The following SLC4A4 variants were observed in gnomAD, a reference collection of about 807,000 sequenced individuals.
The protein encoded by SLC4A4 is solute carrier family 4 member 4.
A neutral mutation model predicts 111.5 loss-of-function variants in SLC4A4; 27 were observed. The ratio of observed to expected loss-of-function variants is 0.24; its 90% confidence interval spans 0.18 to 0.33. The LOEUF is 0.33. Ranked by LOEUF, SLC4A4 falls within the 10% of genes least tolerant of loss-of-function variation. SLC4A4 has a pLI of 1.00. For missense variants in SLC4A4, 909 were observed against 1,315.5 expected (o/e 0.69, Z 4.78); for synonymous variants, 443 against 463.4 (o/e 0.96, Z 0.57).
At chr4:71,358,739 A>C (rs1041048646) in intron 6 of SLC4A4, among the ~76,000 whole-genome samples, 4 of 151,592 alleles carry the variant, frequency 2.6e-5, no homozygotes, top group African/African-American at 9.7e-5. Flanking sequence ...GTGTTTTTGG[A>C]AAGAGGGGTT....
chr4:71,096,044 C>T (rs1344711108), intron 2 of SLC4A4, among the ~76,000 whole-genome samples: 1 of 152,008 alleles, frequency 6.6e-6, no homozygotes, highest in Admixed American at 6.6e-5. Flanking sequence ...TCCTTTTCTC[C>T]CTTCCTGCAC....
At chr4:71,256,974 C>T (rs1419034279) in intron 3 of SLC4A4, among the ~76,000 whole-genome samples, 1 of 152,132 alleles carries the variant, frequency 6.6e-6, no homozygotes, top group Non-Finnish European at 1.5e-5. Flanking sequence ...TAAAGAGGTG[C>T]TCACCTAGAC....
chr4:71,250,733 A>C (rs1166176191), intron 2 of SLC4A4, among the ~76,000 whole-genome samples: 2 of 152,188 alleles, frequency 1.3e-5, no homozygotes, highest in Non-Finnish European at 2.9e-5. Flanking sequence ...AAGGTGACAT[A>C]ATAAGTTATT....
intron 7 of SLC4A4, among the ~76,000 whole-genome samples, chr4:71,406,211 A>G (rs1443840293): frequency 2.0e-5 from 3 of 152,150 alleles, no homozygotes; most frequent in Non-Finnish European, 4.4e-5. Flanking sequence ...CATATATGCC[A>G]GACTGTAAAG....
chr4:71,176,054 C>A (rs537051931), intron 2 of SLC4A4, among the ~76,000 whole-genome samples: 1 of 152,326 alleles, frequency 6.6e-6, no homozygotes, highest in East Asian at 1.9e-4. Flanking sequence ...GCTGCTGATA[C>A]CCAGGCAAAC....
At chr4:71,228,171 G>T (rs767623190) in intron 1 of SLC4A4, among the ~76,000 whole-genome samples, 9 of 152,124 alleles carry the variant, frequency 5.9e-5, no homozygotes, top group Non-Finnish European at 1.0e-4. Context: ...TCACCCCAGA[G>T]TCTCCATTCT....
chr4:71,323,868 TC>T (rs1342499462), intron 3 of SLC4A4, among the ~76,000 whole-genome samples: 1 of 151,928 alleles, frequency 6.6e-6, no homozygotes, highest in Non-Finnish European at 1.5e-5. Flanking sequence ...TGTTTTGGCA[TC>T]CCCAAACTAC....
intron 8 of SLC4A4, among the ~76,000 whole-genome samples, chr4:71,446,522 G>A (rs1028140700): frequency 6.6e-6 from 1 of 152,150 alleles, no homozygotes; most frequent in Non-Finnish European, 1.5e-5. Context: ...AGGTAAGAAT[G>A]CCTATATATC....
At chr4:71,518,998 C>G (rs1732669215) in intron 16 of SLC4A4, among the ~76,000 whole-genome samples, 2 of 152,176 alleles carry the variant, frequency 1.3e-5, no homozygotes, top group African/African-American at 4.8e-5. Flanking sequence ...GTTTCCCTCT[C>G]CAGGATGTGT....
intron 1 of SLC4A4, among the ~76,000 whole-genome samples, chr4:71,230,754 G>T (rs145955456): frequency 5.1e-4 from 78 of 152,300 alleles, no homozygotes; most frequent in African/African-American, 1.8e-3. Flanking sequence ...TGCAGAGCAG[G>T]CTGTGGAAGA....
At chr4:71,167,209 C>T (rs1377288) in intron 2 of SLC4A4, among the ~76,000 whole-genome samples, 3,610 of 152,192 alleles carry the variant, frequency 0.024, 143 homozygotes, top group African/African-American at 0.083. Flanking sequence ...AGCTGCTAAC[C>T]AGACTACCTA....
chr4:71,264,873 G>T (rs1023970699), intron 3 of SLC4A4, among the ~76,000 whole-genome samples: 7 of 152,124 alleles, frequency 4.6e-5, no homozygotes, highest in African/African-American at 1.7e-4. Flanking sequence ...CAAAAGATAC[G>T]CTGGTTAAGA....
intron 6 of SLC4A4, among the ~76,000 whole-genome samples, chr4:71,392,797 A>T (rs1398636241): frequency 1.3e-5 from 2 of 152,114 alleles, no homozygotes; most frequent in African/African-American, 4.8e-5. Context: ...CCAACAACAT[A>T]TCAAAAAGAT....
rs1225060995 is a variant in SLC4A4, at chr4:71,472,714, C to T, written c.1647C>T (p.Asp549=). The T allele has an allele frequency of 1.2e-6, 2 of 1,612,478 alleles. No individual in the cohort carries two copies. Among genetic ancestry groups the T allele is most frequent in the Non-Finnish European group, 1.7e-6 (2 of 1,179,114 alleles). Residue 549 remains aspartate, a synonymous_variant, in exon 14 of 26, where the codon GAC becomes GAT. Transcript: ENST00000264485. ...TTTTTTCCAGGGACAATAATTTTGA[C>T]TATTTGGAGTTTCGCCTTTGGATTG... ...LFNFSKDNNF[D]YLEFRLWIGL...
In SLC4A4 at chr4:71,277,596, C is replaced by G. The variant is rs527926548; in HGVS notation, c.253+22197C>G. On this transcript the variant is annotated intron_variant, in intron 3 of 25. Transcript: ENST00000264485. ...TCCTTCCTTCCTTCCTTCTTTCTTT[C>G]TCTCTCTCTCCTTCCTTCCTTCCTT... 1.5e-4 allele frequency among the ~76,000 whole-genome samples: 21 copies of G among 144,196 alleles called. No homozygotes were observed. In the South Asian group the frequency reaches 4.5e-3, roughly 31 times the overall value. 94.6% of individuals were successfully genotyped at this position (144,196 alleles called of 152,430 possible). A position where few individuals can be genotyped will look rare whatever the true frequency, so the allele number is the denominator to read the frequency against.
intron 3 of SLC4A4, among the ~76,000 whole-genome samples, chr4:71,271,008 T>TGGACAGCCTA (rs774368369): frequency 3.3e-5 from 5 of 152,158 alleles, no homozygotes; most frequent in Admixed American, 6.5e-5. Flanking sequence ...TATAGCTTTT[T>TGGACAGCCTA]GGACAGCCTA....
In SLC4A4 at chr4:71,422,208, C is replaced by T. The variant is rs560499029; in HGVS notation, c.808-18408C>T. ...CTACCATCAGAGAATACTACAAACA[C>T]CTCTACGCAAATAAACTAGAAAATC... is the stretch of plus-strand genomic sequence containing the variant. On this transcript the variant is annotated intron_variant, in intron 7 of 25. Coordinates refer to ENST00000264485, the MANE Select transcript of SLC4A4 (RefSeq NM_001098484.3). 1.2e-4 allele frequency among the ~76,000 whole-genome samples: 17 copies of T among 142,924 alleles called. No individual in the cohort carries two copies. The East Asian group carries it at 3.2e-3, about 27-fold the overall frequency. 93.8% of individuals were successfully genotyped at this position (142,924 alleles called of 152,430 possible).
intron 3 of SLC4A4, 125 bp from the exon 4 acceptor site, chr4:71,339,245 A>G: frequency 6.2e-7 from 1 of 1,614,198 alleles, no homozygotes; most frequent in Non-Finnish European, 8.5e-7. Context: ...GCTTAGCAGG[A>G]AAGATGTCCA....
At chr4:71,564,852 T>C (rs1385880495) in intron 24 of SLC4A4, among the ~76,000 whole-genome samples, 1 of 151,898 alleles carries the variant, frequency 6.6e-6, no homozygotes, top group Non-Finnish European at 1.5e-5. Context: ...CAAATTACAA[T>C]AAAACTCAGC....
Sources: gnomAD v4.1 joint callset for allele counts (sites outside exome capture counted in the v4.1 genomes callset) on GRCh38, gnomAD v4.1.1 for gene constraint, MANE v1.5 for transcripts, NCBI Gene and HGNC (gene_info 2026-07-23, HGNC 2026-07-21) for gene names.